Variants in CABLES1 observed in about 807,000 individuals in gnomAD.
CABLES1 encodes Cdk5 and Abl enzyme substrate 1.
In CABLES1, 36 loss-of-function variants were observed where a neutral mutation model predicts 57.8. That is an observed-to-expected ratio of 0.62 (90% confidence interval 0.48 to 0.82). The LOEUF (loss-of-function observed/expected upper bound fraction) is 0.82, where lower values mean the gene tolerates loss of function less well. Ranked by LOEUF, CABLES1 falls within the 40% of genes least tolerant of loss-of-function variation. The pLI, the probability that CABLES1 is intolerant of heterozygous loss-of-function variation, is 0.00. For missense variants in CABLES1, 767 were observed against 836.6 expected, an observed-to-expected ratio of 0.92 and a Z score of 1.03; for synonymous variants, 374 against 363.0, an observed-to-expected ratio of 1.03 and a Z score of -0.35.
intron 4 of CABLES1, chr18:23,214,338 C>T: frequency 3.4e-6 from 1 of 290,010 alleles, no homozygotes; most frequent in Non-Finnish European, 6.4e-6. Context: ...TTATGGGGCC[C>T]ACCATATTCC....
At chr18:23,166,982 A>G (rs926457971) in intron 1 of CABLES1, among the ~76,000 whole-genome samples, 1 of 152,130 alleles carries the variant, frequency 6.6e-6, no homozygotes, top group Non-Finnish European at 1.5e-5. Context: ...CCCCCGTTTT[A>G]TAGCAAAACA....
chr18:23,163,459 G>C (rs1598806138), intron 1 of CABLES1, among the ~76,000 whole-genome samples: 1 of 152,168 alleles, frequency 6.6e-6, no homozygotes, highest in Admixed American at 6.6e-5. Context: ...GAGAGGTTGA[G>C]TAGAAGAGCA....
At chr18:23,186,616 G>A (rs891235798) in intron 1 of CABLES1, among the ~76,000 whole-genome samples, 3 of 151,976 alleles carry the variant, frequency 2.0e-5, no homozygotes, top group African/African-American at 4.8e-5. Flanking sequence ...GTAGAGATGG[G>A]TCACCATGTT....
At chr18:23,234,460 C>T in intron 4 of CABLES1, 148 bp from the exon 5 acceptor site, 2 of 642,632 alleles carry the variant, frequency 3.1e-6, no homozygotes, top group Non-Finnish European at 5.6e-6. Flanking sequence ...TGGCAAGCGC[C>T]CGAAGAGGGA....
intron 1 of CABLES1, among the ~76,000 whole-genome samples, chr18:23,181,496 C>CAAAA (rs59742943): frequency 0.077 from 2,717 of 35,266 alleles, 648 homozygotes; most frequent in Middle Eastern, 0.35. Context: ...AGCTTCGTCT[C>CAAAA]AAAAAAAAAA....
At chr18:23,199,589 C>T (rs2047308861) in intron 3 of CABLES1, among the ~76,000 whole-genome samples, 1 of 152,164 alleles carries the variant, frequency 6.6e-6, no homozygotes, top group East Asian at 1.9e-4. Flanking sequence ...ATGAGCCAGT[C>T]ACAAAAGGTC....
In CABLES1 at chr18:23,239,248, A is replaced by T. The variant is rs117761921; in HGVS notation, c.1446+2003A>T. 6.5e-3 allele frequency among the ~76,000 whole-genome samples: 987 copies of T among 152,288 alleles called. 22 individuals are homozygous for T. The East Asian group carries it at 0.073, about 11-fold the overall frequency. On this transcript the variant is annotated intron_variant, in intron 7 of 9. Coordinates refer to ENST00000256925, the MANE Select transcript of CABLES1 (RefSeq NM_001100619.3). ...CTGCCCTCCTCATTTGATGTTCCCA[A>T]GTGGATCATTTTTAATTTCACTGCA... is the stretch of plus-strand genomic sequence containing the variant.
rs558001593 is a variant in CABLES1 at position 23,232,671 on chromosome 18, CGGG to C, written c.1089-1936_1089-1934del. On this transcript the variant is annotated intron_variant, in intron 4 of 9. Coordinates refer to ENST00000256925, the MANE Select transcript of CABLES1 (RefSeq NM_001100619.3). ...GCATGACTTTGGTGTCGATTCTGAA[CGGG>C]ACTCCAGAGATGTTTTGAGGGTGGC... Among the ~76,000 whole-genome samples, 1,155 of 152,274 alleles carry C rather than the reference CGGG, an allele frequency of 7.6e-3. 9 individuals are homozygous for C. Among genetic ancestry groups the C allele is most frequent in the Middle Eastern group, 0.014 (4 of 294 alleles).
Position 23,257,957 on chromosome 18 carries a change from C to T in CABLES1, c.*590C>T, listed in dbSNP as rs1222218092. 6.6e-6 allele frequency: 1 copy of T among 152,260 alleles called. No individual in the cohort carries two copies. The highest frequency in any genetic ancestry group is 1.5e-5 in the Non-Finnish European group (1 of 68,060). 9.4% of individuals were successfully genotyped at this position (152,260 alleles called of 1,614,324 possible). A position where few individuals can be genotyped will look rare whatever the true frequency, so the allele number is the denominator to read the frequency against. The stretch of plus-strand genomic sequence containing the variant: ...CGCCCTTTACAGAGCAGCCCTTAGC[C>T]TGGGGCCATGGGTCAGGCTGACCTT... On this transcript the variant is annotated 3_prime_UTR_variant, in exon 10 of 10. Coordinates refer to ENST00000256925, the MANE Select transcript of CABLES1 (RefSeq NM_001100619.3).
At chr18:23,214,322 A>G (rs770591311) in intron 4 of CABLES1, 10 of 345,466 alleles carry the variant, frequency 2.9e-5, no homozygotes, top group African/African-American at 4.3e-5. Context: ...TGCTTTAGCA[A>G]GAACATTATG....
intron 7 of CABLES1, among the ~76,000 whole-genome samples, chr18:23,245,893 TCA>T (rs2047865407): frequency 6.6e-6 from 1 of 152,186 alleles, no homozygotes; most frequent in African/African-American, 2.4e-5. Flanking sequence ...CCCCCATCCA[TCA>T]CACAGCCTGG....
chr18:23,204,991 C>A (rs56229035), intron 3 of CABLES1, among the ~76,000 whole-genome samples: 6,630 of 152,250 alleles, frequency 0.044, 160 homozygotes, highest in Middle Eastern at 0.078. Context: ...TTTTAATCTT[C>A]TGCTTAGCCT....
intron 1 of CABLES1, among the ~76,000 whole-genome samples, chr18:23,141,636 C>T (rs921438174): frequency 1.3e-5 from 2 of 152,190 alleles, no homozygotes; most frequent in East Asian, 1.9e-4. Flanking sequence ...GGATGGTGGG[C>T]GCAGTCTGAG....
intron 1 of CABLES1, among the ~76,000 whole-genome samples, chr18:23,146,918 C>A (rs775853414): frequency 6.6e-6 from 1 of 152,196 alleles, no homozygotes; most frequent in African/African-American, 2.4e-5. Context: ...AAATCTTCTA[C>A]TTGTGAGTTC....
At chr18:23,160,039 CTTTT>C (rs869231402) in intron 1 of CABLES1, among the ~76,000 whole-genome samples, 1 of 140,870 alleles carries the variant, frequency 7.1e-6, no homozygotes, top group African/African-American at 2.6e-5. Flanking sequence ...CAAGCAAGAA[CTTTT>C]TTTTTTTTTT....
intron 1 of CABLES1, among the ~76,000 whole-genome samples, chr18:23,158,366 C>A (rs943914327): frequency 2.0e-5 from 3 of 152,148 alleles, no homozygotes; most frequent in Admixed American, 1.3e-4. Context: ...ATATTTAGTG[C>A]TTGAATCCAT....
At chr18:23,147,946 A>G (rs1200140829) in intron 1 of CABLES1, among the ~76,000 whole-genome samples, 2 of 142,666 alleles carry the variant, frequency 1.4e-5, no homozygotes, top group Non-Finnish European at 3.0e-5. Context: ...TATAGCCCTC[A>G]TTCCATGGTC....
chr18:23,139,610 A>T (rs2046845053), intron 1 of CABLES1, among the ~76,000 whole-genome samples: 1 of 152,182 alleles, frequency 6.6e-6, no homozygotes, highest in South Asian at 2.1e-4. Context: ...CAATGATTAC[A>T]CCACCTCTGT....
chr18:23,239,630 A>G (rs887326030), intron 7 of CABLES1, among the ~76,000 whole-genome samples: 1 of 152,060 alleles, frequency 6.6e-6, no homozygotes, highest in Non-Finnish European at 1.5e-5. Flanking sequence ...TGTGTTGGGG[A>G]ACAGGTATAG....
Sources: allele counts gnomAD v4.1 joint callset (sites outside exome capture counted in the v4.1 genomes callset), GRCh38; gene constraint gnomAD v4.1.1; transcripts MANE v1.5; gene names NCBI Gene and HGNC (gene_info 2026-07-23, HGNC 2026-07-21).